Variants in VWA8 observed in about 807,000 individuals in gnomAD.
VWA8 encodes the protein von Willebrand factor A domain-containing protein 8.
In VWA8, 221 loss-of-function variants were observed where a neutral mutation model predicts 241.5. That is an observed-to-expected ratio of 0.91 (90% CI 0.82 to 1.02). The LOEUF is 1.02. Ranked by LOEUF, VWA8 falls within the 50% of genes least tolerant of loss-of-function variation. The probability of loss-of-function intolerance (pLI) is 0.00; values close to 1 mark genes in which losing one functional copy is unlikely to be tolerated. For synonymous variants in VWA8, 852 were observed against 827.1 expected, an observed-to-expected ratio of 1.03 and a Z score of -0.52; for missense variants, 2,322 against 2,328.7, an observed-to-expected ratio of 1.00 and a Z score of 0.06.
chr13:41,910,577 C>A (rs1458055952), intron 3 of VWA8, among the ~76,000 whole-genome samples: 2 of 150,546 alleles, frequency 1.3e-5, no homozygotes, highest in African/African-American at 4.9e-5. Flanking sequence ...AAGTGGGACT[C>A]CATCTCAAAA....
chr13:41,590,528 C>A, intron 41 of VWA8, 112 bp downstream of exon 41: 18 of 1,038,300 alleles, frequency 1.7e-5, no homozygotes, highest in East Asian at 3.0e-5. Flanking sequence ...TAATGCTTTC[C>A]TTGGTTACCA....
chr13:41,627,623 A>G (rs1043859526), intron 37 of VWA8, among the ~76,000 whole-genome samples: 5 of 152,202 alleles, frequency 3.3e-5, no homozygotes, highest in African/African-American at 1.2e-4. Context: ...TGGTGTTGCA[A>G]CTGAGAAGGG....
intron 26 of VWA8, among the ~76,000 whole-genome samples, chr13:41,705,743 T>C (rs1166424884): frequency 6.6e-6 from 1 of 152,192 alleles, no homozygotes; most frequent in Non-Finnish European, 1.5e-5. Context: ...ATCTGTAAAG[T>C]TCCTTACAGC....
intron 1 of VWA8, among the ~76,000 whole-genome samples, chr13:41,960,106 C>T (rs1346376763): frequency 1.3e-5 from 2 of 152,128 alleles, no homozygotes; most frequent in Non-Finnish European, 2.9e-5. Flanking sequence ...ACTCTAACTC[C>T]ACCAACACAC....
intron 40 of VWA8, among the ~76,000 whole-genome samples, chr13:41,595,712 C>T (rs1016154322): frequency 6.6e-5 from 10 of 152,086 alleles, no homozygotes; most frequent in South Asian, 4.1e-4. Context: ...TGTGCTGCAA[C>T]GGTATTCCAT....
At chr13:41,686,888 C>A (rs1424294781) in intron 34 of VWA8, among the ~76,000 whole-genome samples, 1 of 152,120 alleles carries the variant, frequency 6.6e-6, no homozygotes, top group Non-Finnish European at 1.5e-5. Flanking sequence ...CCATTCCAGG[C>A]TGCCCCTTCA....
chr13:41,775,783 T>C (rs971708674), intron 20 of VWA8, among the ~76,000 whole-genome samples: 11 of 152,192 alleles, frequency 7.2e-5, no homozygotes, highest in Non-Finnish European at 1.5e-4. Flanking sequence ...CAAAACACTT[T>C]CACAGTCTCT....
At chr13:41,690,511 A>T (rs1566416382) in intron 32 of VWA8, among the ~76,000 whole-genome samples, 1 of 152,066 alleles carries the variant, frequency 6.6e-6, no homozygotes. Flanking sequence ...TTCCTATAAG[A>T]GAAAGGGTTG....
intron 21 of VWA8, among the ~76,000 whole-genome samples, chr13:41,755,082 A>C: frequency 6.6e-6 from 1 of 152,034 alleles, no homozygotes; most frequent in East Asian, 1.9e-4. Context: ...AAGAGTGCAG[A>C]TGTCCCTTCA....
intron 2 of VWA8, among the ~76,000 whole-genome samples, chr13:41,948,984 C>T (rs1408043734): frequency 1.5e-5 from 2 of 135,710 alleles, no homozygotes; most frequent in Non-Finnish European, 3.1e-5. Context: ...TACCATGTGA[C>T]TCTATTTATA....
intron 34 of VWA8, among the ~76,000 whole-genome samples, chr13:41,688,429 T>G (rs1272570713): frequency 6.6e-6 from 1 of 152,150 alleles, no homozygotes; most frequent in Non-Finnish European, 1.5e-5. Context: ...AGATGGCAAC[T>G]TGGACTGAAA....
intron 36 of VWA8, among the ~76,000 whole-genome samples, chr13:41,671,637 T>C (rs188695963): frequency 1.5e-4 from 23 of 152,004 alleles, no homozygotes; most frequent in Admixed American, 1.4e-3. Context: ...TAGGCTTAGA[T>C]GAAGTTGTGA....
chr13:41,809,682 A>T (rs1472991736), intron 17 of VWA8, among the ~76,000 whole-genome samples: 4 of 152,206 alleles, frequency 2.6e-5, no homozygotes, highest in Admixed American at 2.0e-4. Flanking sequence ...TCTCCAAGAC[A>T]TTGGTCAGGA....
intron 2 of VWA8, 63 bp downstream of exon 2, chr13:41,949,873 T>G: frequency 9.6e-7 from 1 of 1,045,722 alleles, no homozygotes; most frequent in Non-Finnish European, 1.4e-6. Context: ...TTAAATAACT[T>G]TGAAAATTCC....
At chr13:41,881,363 T>C (rs1446823180) in intron 9 of VWA8, among the ~76,000 whole-genome samples, 3 of 12,262 alleles carry the variant, frequency 2.4e-4, no homozygotes, top group Non-Finnish European at 4.8e-4. Context: ...CATCATAGTT[T>C]TTTTTTGCCG....
intron 20 of VWA8, among the ~76,000 whole-genome samples, chr13:41,767,849 G>C (rs2045789939): frequency 6.6e-6 from 1 of 152,160 alleles, no homozygotes; most frequent in Admixed American, 6.5e-5. Context: ...TCAGCTATTA[G>C]GTATAACCAA....
At chr13:41,729,442 G>A (rs1338244688) in intron 23 of VWA8, 100 bp downstream of exon 23, 1 of 1,194,256 alleles carries the variant, frequency 8.4e-7, no homozygotes, top group Non-Finnish European at 1.1e-6. Context: ...TTGAACTTAT[G>A]CTTATTATTG....
In VWA8 at chr13:41,882,610, C is replaced by T. The variant is rs531754551; in HGVS notation, c.1080+777G>A. On this transcript the variant is annotated intron_variant, in intron 9 of 44. Transcript: ENST00000379310. ...CGCGGTTAGGAGCTGGAGACCAGCCCGGCCAACACAGCGAAACCCCGTCTC... is the reference window on the plus strand; with the variant it reads ...CGCGGTTAGGAGCTGGAGACCAGCCTGGCCAACACAGCGAAACCCCGTCTC... Among the ~76,000 whole-genome samples, 18 of 152,336 alleles carry T rather than the reference C, an allele frequency of 1.2e-4. 1 individual carries two copies. The South Asian group carries it at 3.5e-3, about 30-fold the overall frequency.
At chr13:41,892,101 TAGAAAC>T (rs1431378098) in intron 4 of VWA8, among the ~76,000 whole-genome samples, 6 of 152,254 alleles carry the variant, frequency 3.9e-5, no homozygotes, top group East Asian at 1.9e-4. Flanking sequence ...ATTACACACT[TAGAAAC>T]AGAAAAAGAA....
Sources: gnomAD v4.1 joint callset for allele counts (sites outside exome capture counted in the v4.1 genomes callset) on GRCh38, gnomAD v4.1.1 for gene constraint, MANE v1.5 for transcripts, NCBI Gene and HGNC (gene_info 2026-07-23, HGNC 2026-07-21) for gene names.